Variants in FMN1 observed in about 807,000 individuals in gnomAD.
FMN1 encodes the protein formin 1, also known as formin-1.
A neutral mutation model predicts 132.4 loss-of-function variants in FMN1; 110 were observed. That is an observed-to-expected ratio of 0.83 (90% CI 0.71 to 0.97). The LOEUF is 0.97. FMN1 is among the 50% of genes least tolerant of loss of function. The probability of loss-of-function intolerance (pLI) is 0.00; values close to 1 mark genes in which losing one functional copy is unlikely to be tolerated. For synonymous variants in FMN1, 722 were observed against 651.7 expected (o/e 1.11, Z -1.64); for missense variants, 1,792 against 1,705.3 (o/e 1.05, Z -0.90).
chr15:33,071,393 T>C (rs1222030106), intron 5 of FMN1, among the ~76,000 whole-genome samples: 1 of 152,210 alleles, frequency 6.6e-6, no homozygotes, highest in East Asian at 1.9e-4. Context: ...TTCTCCTTCA[T>C]TTATGAAGCA....
At position 33,079,377 on chromosome 15, in the gene FMN1, G is replaced by C. The variant is rs539468666; in HGVS notation, c.2043+9422C>G. Among the ~76,000 whole-genome samples the C allele has an allele frequency of 2.6e-5, 4 of 152,264 alleles. No homozygotes were observed. The South Asian group carries it at 8.3e-4, about 32-fold the overall frequency. ...TGGCTCATGCCTATAATCCCAGCAC[G>C]CAGGAAGGCTGAGGGAGGGAGGATC... is the stretch of plus-strand genomic sequence containing the variant. On this transcript the variant is annotated intron_variant, in intron 5 of 20. Coordinates refer to ENST00000616417, the MANE Select transcript of FMN1 (RefSeq NM_001277313.2).
intron 16 of FMN1, among the ~76,000 whole-genome samples, chr15:32,859,759 G>C (rs1014188449): frequency 3.3e-5 from 5 of 152,238 alleles, no homozygotes; most frequent in Non-Finnish European, 7.3e-5. Flanking sequence ...TATCTTGGCT[G>C]AATGTCGTGG....
chr15:33,069,151 GGACA>G lies in FMN1; in HGVS notation c.2044-4081_2044-4078del, dbSNP rs575884885. On this transcript the variant is annotated intron_variant, in intron 5 of 20. Coordinates refer to ENST00000616417, the MANE Select transcript of FMN1 (RefSeq NM_001277313.2). Reference sequence around the variant, plus strand: ...GACCCAATTTGCCTCAACAAAAACAGGACAGACAAAACAACCTCCAAACATCAGC... The same window carrying G: ...GACCCAATTTGCCTCAACAAAAACAGGACAAAACAACCTCCAAACATCAGC... Among the ~76,000 whole-genome samples, 8 of 152,306 alleles carry G rather than the reference GGACA, an allele frequency of 5.3e-5. No homozygotes were observed. In the South Asian group the frequency reaches 1.2e-3, roughly 24 times the overall value.
chr15:32,918,741 C>T (rs139130095), intron 10 of FMN1, among the ~76,000 whole-genome samples: 215 of 152,246 alleles, frequency 1.4e-3, no homozygotes, highest in Non-Finnish European at 2.3e-3. Flanking sequence ...TCTGTTCGTC[C>T]ATTAGTTCTG....
intron 9 of FMN1, among the ~76,000 whole-genome samples, chr15:32,926,523 T>C (rs755702309): frequency 1.1e-4 from 16 of 152,236 alleles, no homozygotes; most frequent in Non-Finnish European, 1.8e-4. Flanking sequence ...TATGTTACTG[T>C]GATCATTTTA....
At chr15:32,966,832 G>A (rs1025437739) in intron 8 of FMN1, among the ~76,000 whole-genome samples, 1 of 152,182 alleles carries the variant, frequency 6.6e-6, no homozygotes, top group African/African-American at 2.4e-5. Context: ...TTTATGAGAA[G>A]GTATCCCAAA....
chr15:32,843,087 AT>A, intron 17 of FMN1, among the ~76,000 whole-genome samples: 1 of 150,858 alleles, frequency 6.6e-6, no homozygotes, highest in South Asian at 2.1e-4. Context: ...AGATCACACC[AT>A]TGCACTCTAG....
intron 19 of FMN1, among the ~76,000 whole-genome samples, chr15:32,785,218 A>ATATATATAT (rs1444523400): frequency 2.0e-4 from 8 of 39,208 alleles, no homozygotes; most frequent in South Asian, 9.1e-4. Context: ...ATATATATAT[A>ATATATATAT]TTTTTTTTTT....
chr15:32,985,904 A>G (rs1332553987), intron 7 of FMN1, among the ~76,000 whole-genome samples: 1 of 152,184 alleles, frequency 6.6e-6, no homozygotes, highest in Non-Finnish European at 1.5e-5. Flanking sequence ...GAATTTTTAT[A>G]GTTCTAAATA....
At chr15:33,019,331 G>C (rs2035281002) in intron 6 of FMN1, among the ~76,000 whole-genome samples, 1 of 152,168 alleles carries the variant, frequency 6.6e-6, no homozygotes, top group Non-Finnish European at 1.5e-5. Context: ...CCTTGAGCTA[G>C]ATACAGAGTG....
chr15:32,887,344 T>C (rs953194652), intron 16 of FMN1, among the ~76,000 whole-genome samples: 4 of 152,310 alleles, frequency 2.6e-5, no homozygotes, highest in African/African-American at 9.6e-5. Context: ...AGCTCTTCAA[T>C]TGGAGTTATA....
chr15:32,979,512 T>C (rs569233231), intron 7 of FMN1, among the ~76,000 whole-genome samples: 1 of 139,550 alleles, frequency 7.2e-6, no homozygotes, highest in Non-Finnish European at 1.5e-5. Flanking sequence ...GCGGAGATTG[T>C]GCCATTGCAC....
intron 9 of FMN1, among the ~76,000 whole-genome samples, chr15:32,928,265 T>G (rs2061013362): frequency 6.6e-6 from 1 of 152,148 alleles, no homozygotes; most frequent in Non-Finnish European, 1.5e-5. Context: ...ATACAGAATT[T>G]TAGGAGTTTT....
chr15:32,812,888 A>T (rs2141053441), intron 17 of FMN1, among the ~76,000 whole-genome samples: 1 of 152,328 alleles, frequency 6.6e-6, no homozygotes, highest in Admixed American at 6.5e-5. Flanking sequence ...CTGTAATAAT[A>T]ATTTGTATAG....
At position 32,798,218 on chromosome 15, in the gene FMN1, C is replaced by A. The variant is rs567398973; in HGVS notation, c.4130+586G>T. 3.7e-3 allele frequency among the ~76,000 whole-genome samples: 497 copies of A among 133,998 alleles called. 5 individuals are homozygous for A. Among genetic ancestry groups the A allele is most frequent in the African/African-American group, 0.014 (465 of 32,338 alleles). 87.9% of individuals were successfully genotyped at this position (133,998 alleles called of 152,430 possible). On this transcript the variant is annotated intron_variant, in intron 19 of 20. Coordinates refer to ENST00000616417, the MANE Select transcript of FMN1 (RefSeq NM_001277313.2). ...CACACACACACACACACACACACAC[C>A]CCGTCTATATTCAGAGTTGAGGTTT... is the stretch of plus-strand genomic sequence containing the variant.
At chr15:33,030,111 T>C (rs1474018645) in intron 6 of FMN1, among the ~76,000 whole-genome samples, 1 of 152,210 alleles carries the variant, frequency 6.6e-6, no homozygotes, top group African/African-American at 2.4e-5. Context: ...CCAGCTGAGA[T>C]TGCACCACTG....
At chr15:32,826,231 G>A (rs907692943) in intron 17 of FMN1, among the ~76,000 whole-genome samples, 15 of 152,190 alleles carry the variant, frequency 9.9e-5, no homozygotes, top group African/African-American at 3.4e-4. Context: ...TTTCACAAGG[G>A]TGGTGGGGAG....
At chr15:32,841,655 G>A (rs758858750) in intron 17 of FMN1, among the ~76,000 whole-genome samples, 1 of 152,090 alleles carries the variant, frequency 6.6e-6, no homozygotes, top group Non-Finnish European at 1.5e-5. Flanking sequence ...CATGTGAATC[G>A]CTTTGTGGAA....
intron 2 of FMN1, among the ~76,000 whole-genome samples, chr15:33,189,299 C>A (rs2140358790): frequency 6.6e-6 from 1 of 152,236 alleles, no homozygotes; most frequent in South Asian, 2.1e-4. Flanking sequence ...GGGACATTGG[C>A]AAACAAGGAC....
Sources: allele counts gnomAD v4.1 joint callset (sites outside exome capture counted in the v4.1 genomes callset), GRCh38; gene constraint gnomAD v4.1.1; transcripts MANE v1.5; gene names NCBI Gene and HGNC (gene_info 2026-07-23, HGNC 2026-07-21).